The following FTO variants were observed in gnomAD, a reference collection of about 807,000 sequenced individuals.
FTO encodes the protein alpha-ketoglutarate-dependent dioxygenase FTO.
FTO carries 47 observed loss-of-function variants against 63.9 expected under a neutral mutation model. The ratio of observed to expected loss-of-function variants is 0.74; its 90% CI spans 0.58 to 0.94. The LOEUF is 0.94. FTO is among the 40% of genes least tolerant of loss of function. FTO has a pLI of 0.00. For synonymous variants in FTO, 207 were observed against 224.4 expected, an observed-to-expected ratio of 0.92 and a Z score of 0.69; for missense variants, 562 against 618.1, an observed-to-expected ratio of 0.91 and a Z score of 0.96.
chr16:54,052,215 G>A (rs1025392579), intron 8 of FTO, among the ~76,000 whole-genome samples: 3 of 152,168 alleles, frequency 2.0e-5, no homozygotes, highest in Non-Finnish European at 4.4e-5. Context: ...CTGGAAATGA[G>A]ACTTGCTCTC....
At chr16:53,852,676 G>A (rs1259420674) in intron 4 of FTO, among the ~76,000 whole-genome samples, 8 of 152,126 alleles carry the variant, frequency 5.3e-5, no homozygotes, top group Admixed American at 2.0e-4. Flanking sequence ...TCCAACCTGC[G>A]CCAATGAATG....
At chr16:54,052,105 A>G (rs1336931025) in intron 8 of FTO, among the ~76,000 whole-genome samples, 1 of 152,146 alleles carries the variant, frequency 6.6e-6, no homozygotes, top group Non-Finnish European at 1.5e-5. Context: ...TGCAAGATGG[A>G]TCATTCGTGT....
At chr16:53,744,185 GC>G (rs1400485248) in intron 1 of FTO, among the ~76,000 whole-genome samples, 1 of 152,094 alleles carries the variant, frequency 6.6e-6, no homozygotes, top group African/African-American at 2.4e-5. Context: ...AAACTGCAGG[GC>G]ATTTGACAGC....
chr16:53,728,865 T>C (rs150204888), intron 1 of FTO, among the ~76,000 whole-genome samples: 8,749 of 150,520 alleles, frequency 0.058, 823 homozygotes, highest in African/African-American at 0.2. Context: ...TGGGTTCAAG[T>C]GATTCTCCTG....
At chr16:53,850,837 G>C (rs1042202784) in intron 4 of FTO, among the ~76,000 whole-genome samples, 5 of 151,838 alleles carry the variant, frequency 3.3e-5, no homozygotes, top group African/African-American at 1.2e-4. Flanking sequence ...ATTAGTTTGT[G>C]GTGATGGTTG....
At chr16:53,720,172 T>C (rs930618195) in intron 1 of FTO, among the ~76,000 whole-genome samples, 5 of 152,092 alleles carry the variant, frequency 3.3e-5, no homozygotes, top group African/African-American at 9.7e-5. Flanking sequence ...ACATCACTAG[T>C]AGTTGGAAGG....
At chr16:53,966,946 G>C (rs543998246) in intron 8 of FTO, among the ~76,000 whole-genome samples, 29 of 152,260 alleles carry the variant, frequency 1.9e-4, no homozygotes, top group African/African-American at 6.7e-4. Flanking sequence ...GGCCTGATCC[G>C]TGTGGAGTGG....
chr16:53,872,891 G>A (rs1054946662), intron 4 of FTO, among the ~76,000 whole-genome samples: 1 of 152,162 alleles, frequency 6.6e-6, no homozygotes, highest in Non-Finnish European at 1.5e-5. Flanking sequence ...GTCCTGAGCA[G>A]AGGTTGTATA....
chr16:53,759,686 T>G (rs1271753572), intron 1 of FTO, among the ~76,000 whole-genome samples: 1 of 59,194 alleles, frequency 1.7e-5, no homozygotes. Flanking sequence ...CGAAAAAGAC[T>G]CCTTCTCAAA....
chr16:53,902,129 C>A (rs2081419866), intron 7 of FTO, among the ~76,000 whole-genome samples: 1 of 152,264 alleles, frequency 6.6e-6, no homozygotes, highest in African/African-American at 2.4e-5. Flanking sequence ...CAGGTAACGT[C>A]GGCATAGTGA....
intron 8 of FTO, among the ~76,000 whole-genome samples, chr16:54,059,846 C>T (rs368061200): frequency 5.3e-5 from 8 of 152,046 alleles, no homozygotes; most frequent in South Asian, 2.1e-4. Context: ...TAATGAGCAT[C>T]GGGCTTTTGG....
At chr16:53,939,111 C>A (rs939483549) in intron 8 of FTO, among the ~76,000 whole-genome samples, 2 of 151,846 alleles carry the variant, frequency 1.3e-5, no homozygotes, top group African/African-American at 4.8e-5. Flanking sequence ...AAAGAAAACC[C>A]TTTATATTGA....
intron 8 of FTO, among the ~76,000 whole-genome samples, chr16:53,951,311 A>G (rs1392851592): frequency 6.6e-6 from 1 of 152,186 alleles, no homozygotes; most frequent in Non-Finnish European, 1.5e-5. Context: ...TTTAGTGCTG[A>G]GATAGGATTC....
chr16:53,895,224 T>G (rs1165481043), intron 7 of FTO, among the ~76,000 whole-genome samples: 1 of 72,706 alleles, frequency 1.4e-5, no homozygotes, highest in Non-Finnish European at 3.6e-5. Flanking sequence ...CTTTTTTGAT[T>G]ATCTTATGAA....
rs539827487 is a variant in FTO at position 53,832,339 on chromosome 16, A to G, written c.751+5848A>G. Among the ~76,000 whole-genome samples, 168 of 152,352 alleles carry G rather than the reference A, an allele frequency of 1.1e-3. 1 individual carries two copies. The highest frequency in any genetic ancestry group is 3.9e-3 in the African/African-American group (163 of 41,580). On this transcript the variant is annotated intron_variant, in intron 3 of 8. Coordinates refer to ENST00000471389, the MANE Select transcript of FTO (RefSeq NM_001080432.3). ...CTGTGAAACTATCCCCACTATCAAG[A>G]TAATGAACATACCCATTATTCCAGA...
chr16:54,077,970 G>A (rs2086042591), intron 8 of FTO, among the ~76,000 whole-genome samples: 1 of 152,098 alleles, frequency 6.6e-6, no homozygotes, highest in Admixed American at 6.6e-5. Context: ...GGGCAGTGGG[G>A]GCAGTCCATT....
At chr16:54,092,673 CT>C (rs2086419662) in intron 8 of FTO, among the ~76,000 whole-genome samples, 3 of 152,308 alleles carry the variant, frequency 2.0e-5, no homozygotes, top group African/African-American at 4.8e-5. Context: ...TGGGAAAGAA[CT>C]TTATAAATCA....
At chr16:54,055,962 C>A (rs2144357177) in intron 8 of FTO, among the ~76,000 whole-genome samples, 1 of 152,312 alleles carries the variant, frequency 6.6e-6, no homozygotes. Flanking sequence ...GCCCTCCTGG[C>A]CTGAAGTTCC....
intron 8 of FTO, among the ~76,000 whole-genome samples, chr16:53,982,626 G>A (rs1422670995): frequency 6.6e-6 from 1 of 152,134 alleles, no homozygotes; most frequent in Non-Finnish European, 1.5e-5. Flanking sequence ...CAGTAATATT[G>A]CCCTCTTGGA....
Sources: allele counts gnomAD v4.1 joint callset (sites outside exome capture counted in the v4.1 genomes callset), GRCh38; gene constraint gnomAD v4.1.1; transcripts MANE v1.5; gene names NCBI Gene and HGNC (gene_info 2026-07-23, HGNC 2026-07-21).